Variants in RUNDC3B observed in about 807,000 individuals in gnomAD.
RUNDC3B encodes RUN domain-containing protein 3B.
Under a neutral mutation model 58.4 loss-of-function variants are expected in RUNDC3B, and 33 were observed. The ratio of observed to expected loss-of-function variants is 0.56; its 90% CI spans 0.43 to 0.75. RUNDC3B has a LOEUF of 0.75. RUNDC3B is among the 30% of genes least tolerant of loss of function. The probability of loss-of-function intolerance (pLI) is 0.00; values close to 1 mark genes in which losing one functional copy is unlikely to be tolerated. For synonymous variants in RUNDC3B, 193 were observed against 195.2 expected, an observed-to-expected ratio of 0.99 and a Z score of 0.10; for missense variants, 501 against 535.7, an observed-to-expected ratio of 0.94 and a Z score of 0.64.
rs1262571284 is a variant in RUNDC3B at position 87,650,804 on chromosome 7, A to T, written c.123-18A>T. The T allele has an allele frequency of 6.7e-7, 1 of 1,497,094 alleles. No individual in the cohort carries two copies. Among genetic ancestry groups the T allele is most frequent in the African/African-American group, 1.4e-5 (1 of 72,618 alleles). 92.7% of individuals were successfully genotyped at this position (1,497,094 alleles called of 1,614,324 possible). On this transcript the variant is annotated intron_variant, in intron 1 of 10. Transcript: ENST00000394654. ...GAATCAACTCTGCCTAAAAGCAACAATAATCTTTTTTTCATAGGTTTTCTG... is the reference window on the plus strand; with the variant it reads ...GAATCAACTCTGCCTAAAAGCAACATTAATCTTTTTTTCATAGGTTTTCTG...
intron 2 of RUNDC3B, among the ~76,000 whole-genome samples, chr7:87,652,840 T>C (rs1823721854): frequency 1.3e-5 from 2 of 151,982 alleles, no homozygotes; most frequent in African/African-American, 4.8e-5. Context: ...AACTAATTTT[T>C]CCAGTGTTTT....
At chr7:87,750,575 A>C (rs988175624) in intron 6 of RUNDC3B, among the ~76,000 whole-genome samples, 286 of 152,218 alleles carry the variant, frequency 1.9e-3, no homozygotes, top group African/African-American at 6.0e-3. Context: ...GCCATTCTAA[A>C]TGGTGTCAGA....
chr7:87,661,826 A>G (rs973960705), intron 2 of RUNDC3B, among the ~76,000 whole-genome samples: 9 of 152,012 alleles, frequency 5.9e-5, no homozygotes, highest in Non-Finnish European at 8.8e-5. Flanking sequence ...AGAAACCCCT[A>G]TACTTTTCTC....
chr7:87,662,753 A>G (rs965316568), intron 2 of RUNDC3B, among the ~76,000 whole-genome samples: 6 of 152,070 alleles, frequency 3.9e-5, no homozygotes, highest in African/African-American at 1.2e-4. Context: ...GTGGTTCCAT[A>G]TGAATTTTAG....
intron 1 of RUNDC3B, among the ~76,000 whole-genome samples, chr7:87,632,521 ACT>A (rs2130203188): frequency 6.6e-6 from 1 of 152,102 alleles, no homozygotes; most frequent in African/African-American, 2.4e-5. Flanking sequence ...TCATTTGAGG[ACT>A]CTAAATCTTA....
intron 6 of RUNDC3B, among the ~76,000 whole-genome samples, chr7:87,757,148 C>G (rs1366469650): frequency 6.6e-6 from 1 of 152,076 alleles, no homozygotes; most frequent in Non-Finnish European, 1.5e-5. Flanking sequence ...AATCACAACC[C>G]CCCACGAGCT....
chr7:87,644,757 A>G (rs1006529155), intron 1 of RUNDC3B, among the ~76,000 whole-genome samples: 1 of 151,104 alleles, frequency 6.6e-6, no homozygotes, highest in African/African-American at 2.4e-5. Flanking sequence ...CTCTCTGTGT[A>G]TATATGGATA....
chr7:87,683,201 T>A (rs930807175), intron 2 of RUNDC3B, among the ~76,000 whole-genome samples: 5 of 152,230 alleles, frequency 3.3e-5, no homozygotes, highest in African/African-American at 1.2e-4. Flanking sequence ...TGGATTAGGC[T>A]TTGGCTTAAG....
chr7:87,776,231 G>C (rs890636654), intron 7 of RUNDC3B, among the ~76,000 whole-genome samples: 1 of 151,974 alleles, frequency 6.6e-6, no homozygotes, highest in Non-Finnish European at 1.5e-5. Flanking sequence ...TCTTGGATGT[G>C]CATACCAGGA....
rs563992322 is a variant in RUNDC3B, at chr7:87,824,838, T to G, written c.1226-5047T>G. On this transcript the variant is annotated intron_variant, in intron 10 of 10. Transcript: ENST00000394654. ...AAAGAGACTGGCAGCATTTTGCCCCTGCCATAGAGACTTGTGGAACTTTGA... is the reference window on the plus strand; with the variant it reads ...AAAGAGACTGGCAGCATTTTGCCCCGGCCATAGAGACTTGTGGAACTTTGA... Among the ~76,000 whole-genome samples the G allele has an allele frequency of 1.2e-3, 181 of 152,300 alleles. 1 individual carries two copies. Among genetic ancestry groups the G allele is most frequent in the African/African-American group, 4.2e-3 (173 of 41,568 alleles).
At chr7:87,632,896 G>A (rs532454757) in intron 1 of RUNDC3B, among the ~76,000 whole-genome samples, 3 of 152,112 alleles carry the variant, frequency 2.0e-5, no homozygotes, top group African/African-American at 7.2e-5. Flanking sequence ...ATACTTTTAA[G>A]AGAAACTTCC....
intron 10 of RUNDC3B, among the ~76,000 whole-genome samples, chr7:87,827,290 C>G (rs1441931879): frequency 6.6e-6 from 1 of 152,050 alleles, no homozygotes; most frequent in African/African-American, 2.4e-5. Flanking sequence ...GAGTTCGAGA[C>G]CAGCCTGACC....
intron 4 of RUNDC3B, among the ~76,000 whole-genome samples, chr7:87,719,959 GA>G (rs1830770208): frequency 9.2e-6 from 1 of 108,190 alleles, no homozygotes; most frequent in African/African-American, 3.7e-5. Context: ...CAGAGGTAAT[GA>G]AAAAAATTAG....
At chr7:87,783,862 GA>G (rs1835072282) in intron 8 of RUNDC3B, among the ~76,000 whole-genome samples, 1 of 152,118 alleles carries the variant, frequency 6.6e-6, no homozygotes, top group Admixed American at 6.5e-5. Flanking sequence ...TTTCTGTTGG[GA>G]AGTCTACTGT....
chr7:87,776,815 A>G (rs903837981), intron 7 of RUNDC3B, among the ~76,000 whole-genome samples: 1 of 152,092 alleles, frequency 6.6e-6, no homozygotes, highest in Non-Finnish European at 1.5e-5. Flanking sequence ...TACTCTTAAC[A>G]TGTATCATAA....
chr7:87,792,062 G>A lies in RUNDC3B; in HGVS notation c.956+14107G>A, dbSNP rs986762113. 4.6e-5 allele frequency among the ~76,000 whole-genome samples: 7 copies of A among 152,170 alleles called. No individual in the cohort carries two copies. In the East Asian group the frequency reaches 1.3e-3, roughly 29 times the overall value. On this transcript the variant is annotated intron_variant, in intron 8 of 10. Coordinates refer to ENST00000394654, the MANE Select transcript of RUNDC3B (RefSeq NM_001134405.2). Reference sequence around the variant, plus strand: ...AATGGAAACTGAAAAAAGATCAGGAGTAGCTATACTTATATCAGACAAAAT... The same window carrying A: ...AATGGAAACTGAAAAAAGATCAGGAATAGCTATACTTATATCAGACAAAAT...
At chr7:87,705,587 G>C (rs1404870285) in intron 3 of RUNDC3B, among the ~76,000 whole-genome samples, 1 of 152,140 alleles carries the variant, frequency 6.6e-6, no homozygotes, top group Non-Finnish European at 1.5e-5. Context: ...TGTGTCTTCA[G>C]TACTTTTGCA....
intron 1 of RUNDC3B, among the ~76,000 whole-genome samples, chr7:87,636,399 C>T (rs568089800): frequency 6.6e-6 from 1 of 152,276 alleles, no homozygotes; most frequent in East Asian, 1.9e-4. Flanking sequence ...ATTCAAGTCA[C>T]TTAGCAACTG....
At chr7:87,788,892 A>G (rs1231935957) in intron 8 of RUNDC3B, among the ~76,000 whole-genome samples, 1 of 152,158 alleles carries the variant, frequency 6.6e-6, no homozygotes, top group Admixed American at 6.5e-5. Flanking sequence ...ACATATATTT[A>G]AATGTATACT....
Sources: allele counts gnomAD v4.1 joint callset (sites outside exome capture counted in the v4.1 genomes callset), GRCh38; gene constraint gnomAD v4.1.1; transcripts MANE v1.5; gene names NCBI Gene and HGNC (gene_info 2026-07-23, HGNC 2026-07-21).